The following EMP2 variants were observed in gnomAD, a reference collection of about 807,000 sequenced individuals.
The protein encoded by EMP2 is epithelial membrane protein 2.
Under a neutral mutation model 13.7 loss-of-function variants are expected in EMP2, and 19 were observed. The observed-to-expected ratio is 1.38, with a 90% CI of 0.97 to 2.03. The LOEUF (loss-of-function observed/expected upper bound fraction) is 2.03. EMP2 is among the 30% of genes most tolerant of loss of function. The probability of loss-of-function intolerance (pLI) is 0.00; values close to 1 mark genes in which losing one functional copy is unlikely to be tolerated. For synonymous variants in EMP2, 97 were observed against 84.7 expected (o/e 1.15, Z -0.80); for missense variants, 253 against 220.7 (o/e 1.15, Z -0.93).
chr16:10,566,044 C>G (rs961073102), intron 1 of EMP2, among the ~76,000 whole-genome samples: 1 of 152,160 alleles, frequency 6.6e-6, no homozygotes, highest in Non-Finnish European at 1.5e-5. Context: ...CAGCCTCTGC[C>G]TGGATTATTT....
rs1181469816 is a variant in EMP2, at chr16:10,557,219, C to T, written c.-60-9542G>A. Among the ~76,000 whole-genome samples the T allele has an allele frequency of 4.6e-5, 7 of 152,020 alleles. No homozygotes were observed. The East Asian group carries it at 9.7e-4, about 21-fold the overall frequency. On this transcript the variant is annotated intron_variant, in intron 1 of 4. Coordinates refer to ENST00000359543, the MANE Select transcript of EMP2 (RefSeq NM_001424.6). ...TAAAAATACAAATATTATCCAGGCA[C>T]GGTGGCAGATGCCTATCGTCCCAGC... is the stretch of plus-strand genomic sequence containing the variant.
intron 3 of EMP2, among the ~76,000 whole-genome samples, chr16:10,539,896 G>A (rs566768581): frequency 1.5e-5 from 2 of 135,556 alleles, no homozygotes; most frequent in Admixed American, 7.4e-5. Flanking sequence ...CAATCCCAGG[G>A]ATCACCTGGG....
intron 1 of EMP2, among the ~76,000 whole-genome samples, chr16:10,548,193 G>A (rs1034218964): frequency 6.6e-6 from 1 of 152,184 alleles, no homozygotes; most frequent in African/African-American, 2.4e-5. Context: ...GGAGGAGGGT[G>A]AGGACCCATT....
intron 1 of EMP2, among the ~76,000 whole-genome samples, chr16:10,565,934 C>T (rs976553387): frequency 2.6e-5 from 4 of 152,198 alleles, no homozygotes; most frequent in East Asian, 1.9e-4. Context: ...TGACATTGTG[C>T]GGCTGTGCAA....
At chr16:10,543,711 A>G (rs768838389) in intron 2 of EMP2, 51 bp from the exon 3 acceptor site, 1 of 1,569,976 alleles carries the variant, frequency 6.4e-7, no homozygotes, top group East Asian at 2.2e-5. Context: ...CATGATGCAA[A>G]CACTGACTGC....
intron 1 of EMP2, among the ~76,000 whole-genome samples, chr16:10,570,078 G>C (rs2050936702): frequency 6.6e-6 from 1 of 152,200 alleles, no homozygotes; most frequent in African/African-American, 2.4e-5. Flanking sequence ...GGTTACCGGG[G>C]TGCCCTGGTG....
intron 1 of EMP2, among the ~76,000 whole-genome samples, chr16:10,565,505 T>C (rs2050901564): frequency 6.6e-6 from 1 of 152,224 alleles, no homozygotes; most frequent in East Asian, 1.9e-4. Flanking sequence ...GCCCTGCAGA[T>C]TTTGAACTTG....
chr16:10,537,634 C>T (rs1007713394), intron 4 of EMP2, among the ~76,000 whole-genome samples: 2 of 152,080 alleles, frequency 1.3e-5, no homozygotes, highest in African/African-American at 2.4e-5. Context: ...ACAACACTGT[C>T]GACAGCGACT....
chr16:10,533,153 CA>C, intron 4 of EMP2, 61 bp from the exon 5 acceptor site: 1 of 1,354,788 alleles, frequency 7.4e-7, no homozygotes. Flanking sequence ...CTGGGTAGCC[CA>C]GGGGCATACG....
rs886968620 is a variant in EMP2 at position 10,530,617 on chromosome 16, T to G, written c.*2288A>C. ...TCTGCATTGCCACACAGCATCATGC[T>G]TTGATCCTGAAGGACAAGGCCCCAA... is the stretch of plus-strand genomic sequence containing the variant. On this transcript the variant is annotated 3_prime_UTR_variant, in exon 5 of 5. Transcript: ENST00000359543. 3 of 152,612 alleles carry G rather than the reference T, an allele frequency of 2.0e-5. No homozygotes were observed. Among genetic ancestry groups the G allele is most frequent in the Non-Finnish European group, 4.4e-5 (3 of 68,078 alleles). 9.5% of individuals were successfully genotyped at this position (152,612 alleles called of 1,614,324 possible).
chr16:10,570,987 G>C (rs192206492), intron 1 of EMP2, among the ~76,000 whole-genome samples: 2,246 of 151,772 alleles, frequency 0.015, 53 homozygotes, highest in African/African-American at 0.052. Flanking sequence ...GGCAGGGGCC[G>C]GTGGCTCATG....
At chr16:10,536,919 ACC>A (rs1227094188) in intron 4 of EMP2, among the ~76,000 whole-genome samples, 1 of 152,102 alleles carries the variant, frequency 6.6e-6, no homozygotes, top group South Asian at 2.1e-4. Flanking sequence ...TCAGTTTTAA[ACC>A]AGAGGATGGT....
At chr16:10,563,739 T>C (rs1344289971) in intron 1 of EMP2, among the ~76,000 whole-genome samples, 1 of 152,234 alleles carries the variant, frequency 6.6e-6, no homozygotes, top group Non-Finnish European at 1.5e-5. Flanking sequence ...CTGACTGGAC[T>C]GTAGACTAGC....
intron 3 of EMP2, among the ~76,000 whole-genome samples, chr16:10,539,564 G>A (rs1005940388): frequency 6.6e-6 from 1 of 152,282 alleles, no homozygotes; most frequent in East Asian, 1.9e-4. Context: ...GCAACTGTGT[G>A]GAAGGGGGCC....
intron 1 of EMP2, among the ~76,000 whole-genome samples, chr16:10,560,057 C>G (rs1327485199): frequency 2.0e-5 from 3 of 152,190 alleles, no homozygotes; most frequent in Non-Finnish European, 4.4e-5. Flanking sequence ...AAAGCTGGAG[C>G]TGGCATCTGA....
chr16:10,557,929 G>C (rs566171145), intron 1 of EMP2, among the ~76,000 whole-genome samples: 1 of 152,092 alleles, frequency 6.6e-6, no homozygotes, highest in African/African-American at 2.4e-5. Flanking sequence ...CTGTGGAGGA[G>C]GAACAAGAGG....
At chr16:10,571,551 GT>G (rs1382457127) in intron 1 of EMP2, among the ~76,000 whole-genome samples, 1 of 152,162 alleles carries the variant, frequency 6.6e-6, no homozygotes, top group Non-Finnish European at 1.5e-5. Flanking sequence ...GTAAGGCCTG[GT>G]TTTTGCTTAG....
chr16:10,530,729 A>C lies in EMP2; in HGVS notation c.*2176T>G, dbSNP rs1249417463. 6.6e-6 allele frequency: 1 copy of C among 152,226 alleles called. No homozygotes were observed. The highest frequency in any genetic ancestry group is 1.5e-5 in the Non-Finnish European group (1 of 68,070). 9.4% of individuals were successfully genotyped at this position (152,226 alleles called of 1,614,324 possible). A position where few individuals can be genotyped will look rare whatever the true frequency, so the allele number is the denominator to read the frequency against. ...ATCAGCCTGTCCCAAGCAGCACGGG[A>C]ACCCCTAAAGCTTGAAAACTCCAGC... On this transcript the variant is annotated 3_prime_UTR_variant, in exon 5 of 5. Transcript: ENST00000359543.
At chr16:10,568,758 T>C (rs1020792565) in intron 1 of EMP2, among the ~76,000 whole-genome samples, 6 of 147,562 alleles carry the variant, frequency 4.1e-5, no homozygotes, top group Non-Finnish European at 8.9e-5. Context: ...GGGAGGGGTG[T>C]GGATTCTTGT....
Sources: allele counts gnomAD v4.1 joint callset (sites outside exome capture counted in the v4.1 genomes callset), GRCh38; gene constraint gnomAD v4.1.1; transcripts MANE v1.5; gene names NCBI Gene and HGNC (gene_info 2026-07-23, HGNC 2026-07-21).